Variants in IRX2 observed in about 807,000 individuals in gnomAD.
The protein encoded by IRX2 is iroquois-class homeodomain protein IRX-2.
A neutral mutation model predicts 42.9 loss-of-function variants in IRX2; 26 were observed. The observed-to-expected ratio is 0.61, with a 90% CI of 0.44 to 0.84. The LOEUF (loss-of-function observed/expected upper bound fraction) is 0.84. IRX2 is among the 40% of genes least tolerant of loss of function. The pLI, the probability that IRX2 is intolerant of heterozygous loss-of-function variation, is 0.00. For missense variants in IRX2, 782 were observed against 713.9 expected (o/e 1.10, Z -1.09); for synonymous variants, 424 against 353.9 (o/e 1.20, Z -2.22).
In IRX2 at chr5:2,747,584, C is replaced by T. The variant is rs375448900; in HGVS notation, c.1396G>A (p.Gly466Ser). Residue 466 changes from glycine (G) to serine (S), a missense_variant, in exon 4 of 4, where the codon GGC becomes AGC. Physicochemically the swap from Gly to Ser is moderately conservative, Grantham distance 56. Around this residue, in one of 3 missense-constraint regions of IRX2, gnomAD observed 520 missense variants for 437.8 expected, o/e 1.19. Coordinates refer to ENST00000302057, the MANE Select transcript of IRX2 (RefSeq NM_033267.5). ...CCCTTCTATAGGTAGGGCTGGACGC[C>T]CCCGCCAACCACGGTGCAGCCCTCG... ...ASEGCTVVGG[G>S]VQPYL is the part of the protein sequence containing the mutation. 6.2e-7 allele frequency: 1 copy of T among 1,613,912 alleles called. No individual in the cohort carries two copies. The highest frequency in any genetic ancestry group is 1.3e-5 in the African/African-American group (1 of 74,926).
Position 2,751,135 on chromosome 5 carries a change from G to A in IRX2, c.249+30C>T, listed in dbSNP as rs1449721094. The A allele has an allele frequency of 4.1e-6, 5 of 1,227,982 alleles. No individual in the cohort carries two copies. The South Asian group carries it at 9.3e-5, about 23-fold the overall frequency. 76.1% of individuals were successfully genotyped at this position (1,227,982 alleles called of 1,614,324 possible). On this transcript the variant is annotated intron_variant, in intron 1 of 3. Transcript: ENST00000302057. This position sits in a 1 kb window ranked among gnomAD's most constrained non-coding sequence, Gnocchi z 4.0. ...GCCCCGTCTGGGTCCCGGCGCCCAG[G>A]AGTCCCGCGTCCCGCCCGCGCCCGG...
Position 2,748,424 on chromosome 5 carries a change from G to A in IRX2, c.1284C>T (p.Ala428=). ...GEALHTAPKA[A]SDAGKAGAHP... is the part of the protein sequence containing the mutation. ...GCGCGCCCGCCTTGCCCGCGTCGCT[G>A]GCCGCCTTTGGCGCGGTGTGCAGGG... The change falls in exon 3 of 4, where the codon GCC becomes GCT. Residue 428 remains alanine (A), a synonymous_variant. Transcript: ENST00000302057. The A allele has an allele frequency of 6.5e-7, 1 of 1,529,536 alleles. No homozygotes were observed. Among genetic ancestry groups the A allele is most frequent in the Non-Finnish European group, 8.7e-7 (1 of 1,143,866 alleles). The allele number at this position is 1,529,536 out of a possible 1,614,324, so 94.7% of individuals were successfully genotyped here. A position where few individuals can be genotyped will look rare whatever the true frequency, so the allele number is the denominator to read the frequency against.
At chr5:2,740,154 C>G in the IRX2 span, among the ~76,000 whole-genome samples, 1 of 151,294 alleles carries the variant, frequency 6.6e-6, no homozygotes, top group East Asian at 1.9e-4. Flanking sequence ...GCGGCCGGGT[C>G]TGGGGCCGCC....
At chr5:2,749,182 GAC>G (rs1407646851) in intron 2 of IRX2, 130 bp from the exon 3 acceptor site, 3 of 1,475,646 alleles carry the variant, frequency 2.0e-6, no homozygotes, top group Non-Finnish European at 2.7e-6. Context: ...CCGGCCACGT[GAC>G]AGGCGGAGCC....
chr5:2,751,369 C>T lies in IRX2; in HGVS notation c.45G>A (p.Leu15=). 1 of 1,428,250 alleles carries T rather than the reference C, an allele frequency of 7.0e-7. No homozygotes were observed. The highest frequency in any genetic ancestry group is 1.3e-5 in the South Asian group (1 of 74,778). 88.5% of individuals were successfully genotyped at this position (1,428,250 alleles called of 1,614,324 possible). A position where few individuals can be genotyped will look rare whatever the true frequency, so the allele number is the denominator to read the frequency against. ...CGTAGGCCGGGCACGAGTAGAGCGCCAGCGAGCCGGGCGCCTGGTACAGGT... is the reference window on the plus strand; with the variant it reads ...CGTAGGCCGGGCACGAGTAGAGCGCTAGCGAGCCGGGCGCCTGGTACAGGT... The part of the protein sequence containing the change: ...QGYLYQAPGS[L]ALYSCPAYGA... Residue 15 remains leucine, a synonymous_variant, in exon 1 of 4, where the codon CTG becomes CTA. Transcript: ENST00000302057. The surrounding 1 kb of genome is among the most constrained non-coding windows in gnomAD (Gnocchi z 4.0).
intron 1 of IRX2, 131 bp from the exon 2 acceptor site, chr5:2,749,918 G>A: frequency 1.1e-6 from 1 of 926,192 alleles, no homozygotes; most frequent in Non-Finnish European, 1.6e-6. Flanking sequence ...TGCGCTTCCC[G>A]CCGCAAAAGA....
At chr5:2,738,496 T>A in the IRX2 span, among the ~76,000 whole-genome samples, 2 of 152,044 alleles carry the variant, frequency 1.3e-5, no homozygotes, top group Admixed American at 1.3e-4. Flanking sequence ...TTCGCCCCCC[T>A]GTTCCCCGCT....
At chr5:2,750,787 T>C (rs145958929) in intron 1 of IRX2, among the ~76,000 whole-genome samples, 32 of 152,192 alleles carry the variant, frequency 2.1e-4, no homozygotes, top group Non-Finnish European at 3.8e-4. Flanking sequence ...CCCACGCCAA[T>C]GCAGGCGAGC....
In IRX2 at chr5:2,748,554, G is replaced by T; in HGVS notation, c.1154C>A (p.Thr385Lys). 2.5e-6 allele frequency: 4 copies of T among 1,572,490 alleles called. No homozygotes were observed. Among genetic ancestry groups the T allele is most frequent in the Non-Finnish European group, 3.4e-6 (4 of 1,161,208 alleles). The change falls in exon 3 of 4, where the codon ACG becomes AAG. Residue 385 changes from threonine (T) to lysine (K), a missense_variant. Physicochemically the swap from Thr to Lys is moderately conservative, Grantham distance 78 (BLOSUM62 -1). Transcript: ENST00000302057. The stretch of plus-strand genomic sequence containing the variant: ...TGTGTAGTTGCCGTAGAAGGGCGAC[G>T]TGTAGTAGAGGGGGCGGCCCAGCAG... ...SPLLGRPLYY[T>K]SPFYGNYTNY...
At chr5:2,745,925 C>T (rs1432491350), downstream of IRX2, 1 of 151,366 alleles carries the variant, frequency 6.6e-6, no homozygotes, top group Non-Finnish European at 1.5e-5. Context: ...GCACAAAAAT[C>T]TTATGTTTTT....
Position 2,748,969 on chromosome 5 carries a change from C to A in IRX2, c.739G>T (p.Asp247Tyr). 1 of 1,597,040 alleles carries A rather than the reference C, an allele frequency of 6.3e-7. No individual in the cohort carries two copies. The highest frequency in any genetic ancestry group is 8.5e-7 in the Non-Finnish European group (1 of 1,179,388). ...DGEKLPCRAG[D>Y]PLCESGSECK... ...TCCGAGCCCGATTCGCACAGGGGGTCCCCGGCGCGGCACGGAAGCTTCTCC... is the reference window on the plus strand; with the variant it reads ...TCCGAGCCCGATTCGCACAGGGGGTACCCGGCGCGGCACGGAAGCTTCTCC... The change falls in exon 3 of 4, where the codon GAC (aspartate) becomes TAC (tyrosine). Residue 247 changes from aspartate to tyrosine, a missense_variant. Physicochemically the swap from Asp to Tyr is radical, Grantham distance 160. Around this residue, in one of 3 missense-constraint regions of IRX2, gnomAD observed 520 missense variants for 437.8 expected, o/e 1.19. Coordinates refer to ENST00000302057, the MANE Select transcript of IRX2 (RefSeq NM_033267.5).
chr5:2,741,157 C>G (rs1436346246), downstream of IRX2, among the ~76,000 whole-genome samples: 1 of 152,240 alleles, frequency 6.6e-6, no homozygotes, highest in African/African-American at 2.4e-5. Flanking sequence ...AAGTTCTCCC[C>G]GAAGCCCACC....
the IRX2 span, among the ~76,000 whole-genome samples, chr5:2,739,791 C>T: frequency 5.9e-5 from 9 of 152,326 alleles, no homozygotes; most frequent in Admixed American, 5.2e-4. Context: ...GCACCCGGGG[C>T]CAGCCACGGA....
intron 2 of IRX2, 123 bp from the exon 3 acceptor site, chr5:2,749,175 G>C (rs1737823966): frequency 4.7e-6 from 7 of 1,480,950 alleles, no homozygotes; most frequent in Non-Finnish European, 6.2e-6. Context: ...CCCCCACCCG[G>C]CCACGTGACA....
At chr5:2,742,305 C>T (rs1433794994), downstream of IRX2, among the ~76,000 whole-genome samples, 1 of 152,170 alleles carries the variant, frequency 6.6e-6, no homozygotes, top group African/African-American at 2.4e-5. Flanking sequence ...CTAGTGAGTG[C>T]TTTCATTATG....
Position 2,748,694 on chromosome 5 carries a change from C to T in IRX2, c.1014G>A (p.Ser338=). 7.2e-7 allele frequency: 1 copy of T among 1,398,520 alleles called. No homozygotes were observed. Among genetic ancestry groups the T allele is most frequent in the Non-Finnish European group, 9.3e-7 (1 of 1,077,202 alleles). The allele number at this position is 1,398,520 out of a possible 1,614,324, so 86.6% of individuals were successfully genotyped here. A position where few individuals can be genotyped will look rare whatever the true frequency, so the allele number is the denominator to read the frequency against. Residue 338 remains serine (S), a synonymous_variant, in exon 3 of 4, where the codon TCG becomes TCA. Coordinates refer to ENST00000302057, the MANE Select transcript of IRX2 (RefSeq NM_033267.5). ...GGCCCAGGCTCGGCTGCTTGAGGTCCGACGTGGCGATCTCGGCCAGCGACC... is the reference window on the plus strand; with the variant it reads ...GGCCCAGGCTCGGCTGCTTGAGGTCTGACGTGGCGATCTCGGCCAGCGACC... ...KLWSLAEIAT[S]DLKQPSLGPG... is the part of the protein sequence containing the mutation.
chr5:2,740,038 C>T, the IRX2 span, among the ~76,000 whole-genome samples: 2 of 152,258 alleles, frequency 1.3e-5, no homozygotes, highest in South Asian at 4.1e-4. Context: ...CTACCCATCC[C>T]CAGAAGCCTG....
chr5:2,738,505 C>T, the IRX2 span, among the ~76,000 whole-genome samples: 1 of 152,172 alleles, frequency 6.6e-6, no homozygotes, highest in African/African-American at 2.4e-5. Context: ...CTGTTCCCCG[C>T]TTGGGCCGAG....
chr5:2,741,165 AC>A (rs1369134379), downstream of IRX2, among the ~76,000 whole-genome samples: 1 of 152,204 alleles, frequency 6.6e-6, no homozygotes, highest in African/African-American at 2.4e-5. Flanking sequence ...CCCGAAGCCC[AC>A]CTTTCCCCAG....
Sources: allele counts gnomAD v4.1 joint callset (sites outside exome capture counted in the v4.1 genomes callset), GRCh38; gene constraint gnomAD v4.1.1; regional missense constraint gnomAD v4.1.1; non-coding constraint Gnocchi (gnomAD v3.1); transcripts MANE v1.5; gene names NCBI Gene and HGNC (gene_info 2026-07-23, HGNC 2026-07-21).